SBK1: variants seen among roughly 807,000 people sequenced by gnomAD.
SBK1 encodes SH3 domain binding kinase 1, also known as serine/threonine-protein kinase SBK1.
A neutral mutation model predicts 24.4 loss-of-function variants in SBK1; 11 were observed. The observed-to-expected ratio is 0.45, with a 90% CI of 0.28 to 0.75. SBK1 has a LOEUF of 0.75. SBK1 is among the 30% of genes least tolerant of loss of function. SBK1 has a pLI of 0.12. For synonymous variants in SBK1, 308 were observed against 284.4 expected (o/e 1.08, Z -0.83); for missense variants, 467 against 620.5 (o/e 0.75, Z 2.63).
intron 1 of SBK1, among the ~76,000 whole-genome samples, chr16:28,311,512 A>T (rs1277006991): frequency 6.6e-6 from 1 of 152,044 alleles, no homozygotes; most frequent in Non-Finnish European, 1.5e-5. Context: ...AGCCTGGGCA[A>T]CATAGCGAGA....
rs772941342 is a variant in SBK1, at chr16:28,320,831, T to C, written c.1185T>C (p.Ala395=). The C allele has an allele frequency of 6.8e-7, 1 of 1,461,528 alleles. No individual in the cohort carries two copies. Among genetic ancestry groups the C allele is most frequent in the Non-Finnish European group, 9.0e-7 (1 of 1,107,366 alleles). 90.5% of individuals were successfully genotyped at this position (1,461,528 alleles called of 1,614,324 possible). ...VPVPVPEPGL[A]PQGPPGRTDG... is the part of the protein sequence containing the mutation. ...TGCCTGTGCCCGAGCCCGGCCTAGC[T>C]CCCCAGGGGCCCCCCGGCCGGACCG... Residue 395 remains alanine (A), a synonymous_variant, in exon 4 of 4, where the codon GCT becomes GCC. Transcript: ENST00000341901. The surrounding 1 kb of genome is among the most constrained non-coding windows in gnomAD (Gnocchi z 8.5).
chr16:28,320,905 T>C lies in SBK1; in HGVS notation c.1259T>C (p.Ile420Thr). 1 of 1,489,424 alleles carries C rather than the reference T, an allele frequency of 6.7e-7. No homozygotes were observed. Among genetic ancestry groups the C allele is most frequent in the Non-Finnish European group, 8.9e-7 (1 of 1,124,572 alleles). The allele number at this position is 1,489,424 out of a possible 1,614,324, so 92.3% of individuals were successfully genotyped here. A position where few individuals can be genotyped will look rare whatever the true frequency, so the allele number is the denominator to read the frequency against. Reference sequence around the variant, plus strand: ...GGGCAGGTGGTGCTGGCCACGGCCATCGAGATCTGCGTCTGAGTCGCCTCC... The same window carrying C: ...GGGCAGGTGGTGCTGGCCACGGCCACCGAGATCTGCGTCTGAGTCGCCTCC... ...SKGQVVLATA[I>T]EICV Residue 420 changes from isoleucine (I) to threonine (T), a missense_variant, in exon 4 of 4, where the codon ATC becomes ACC. Transcript: ENST00000341901. The surrounding 1 kb of genome is among the most constrained non-coding windows in gnomAD (Gnocchi z 8.5).
chr16:28,299,699 T>G (rs2044666020), intron 1 of SBK1, among the ~76,000 whole-genome samples: 1 of 152,034 alleles, frequency 6.6e-6, no homozygotes, highest in African/African-American at 2.4e-5. Context: ...AGTTTCTGAG[T>G]CTGATCGGGT....
In SBK1 at chr16:28,292,558, C is replaced by T. The variant is rs1266348604; in HGVS notation, c.-750C>T. 6.2e-6 allele frequency: 6 copies of T among 972,444 alleles called. No individual in the cohort carries two copies. Among genetic ancestry groups the T allele is most frequent in the South Asian group, 4.8e-5 (1 of 20,996 alleles). The allele number at this position is 972,444 out of a possible 1,614,324, so 60.2% of individuals were successfully genotyped here. Reference sequence around the variant, plus strand: ...GATGGAGCGCAGCCCGGGCGGGCGCCGGGGCCGGGGCCCGAGCGCCAGGCG... The same window carrying T: ...GATGGAGCGCAGCCCGGGCGGGCGCTGGGGCCGGGGCCCGAGCGCCAGGCG... On this transcript the variant is annotated 5_prime_UTR_variant, in exon 1 of 4. Transcript: ENST00000341901.
intron 1 of SBK1, among the ~76,000 whole-genome samples, chr16:28,280,334 G>GTATATATATATATAAAA (rs1467153185): frequency 5.0e-5 from 7 of 139,940 alleles, no homozygotes; most frequent in Non-Finnish European, 9.1e-5. Context: ...ACGTACATAT[G>GTATATATATATATAAAA]TATATATATA....
chr16:28,309,596 T>G (rs1370033915), intron 1 of SBK1, among the ~76,000 whole-genome samples: 4 of 152,148 alleles, frequency 2.6e-5, no homozygotes, highest in Non-Finnish European at 5.9e-5. Context: ...TTAAGCTATT[T>G]TTTCAAAATA....
At chr16:28,314,995 AAGG>A (rs1303958134) in intron 1 of SBK1, among the ~76,000 whole-genome samples, 2 of 152,002 alleles carry the variant, frequency 1.3e-5, no homozygotes, top group African/African-American at 2.4e-5. Context: ...AAAGGGAAAA[AAGG>A]GAGAAGGGAG....
upstream of SBK1, chr16:28,292,449 G>A (rs1486528024): frequency 2.9e-5 from 23 of 795,468 alleles, no homozygotes; most frequent in South Asian, 9.9e-4. Flanking sequence ...CAAAGGGGCG[G>A]GCGGCGGCGC....
chr16:28,276,866 G>A (rs1204638607), intron 1 of SBK1, among the ~76,000 whole-genome samples: 2 of 151,938 alleles, frequency 1.3e-5, no homozygotes, highest in Non-Finnish European at 2.9e-5. Context: ...AGGTTTCACC[G>A]TGTTAGCCAG....
chr16:28,301,194 C>T (rs1326412007), intron 1 of SBK1, among the ~76,000 whole-genome samples: 1 of 152,234 alleles, frequency 6.6e-6, no homozygotes, highest in Non-Finnish European at 1.5e-5. Context: ...ACCTCCCCAG[C>T]TTATCCCACA....
chr16:28,292,804 C>T lies in SBK1; in HGVS notation c.-504C>T. ...AGCCTCGGGGAAGAGGGGGGGCCCT[C>T]CCGGATCCGACACCGAGCGACTCCC... On this transcript the variant is annotated 5_prime_UTR_variant, in exon 1 of 4. Coordinates refer to ENST00000341901, the MANE Select transcript of SBK1 (RefSeq NM_001024401.3). 1.0e-6 allele frequency: 1 copy of T among 985,424 alleles called. No individual in the cohort carries two copies. Among genetic ancestry groups the T allele is most frequent in the Middle Eastern group, 5.2e-4 (1 of 1,910 alleles). 61.0% of individuals were successfully genotyped at this position (985,424 alleles called of 1,614,324 possible). A position where few individuals can be genotyped will look rare whatever the true frequency, so the allele number is the denominator to read the frequency against.
In SBK1 at chr16:28,319,715, A is replaced by T. The variant is rs552653454; in HGVS notation, c.430-361A>T. Among the ~76,000 whole-genome samples, 5 of 152,274 alleles carry T rather than the reference A, an allele frequency of 3.3e-5. No homozygotes were observed. In the South Asian group the frequency reaches 1.0e-3, roughly 32 times the overall value. ...CAGCAGGGAACAGGACGGGAAGCTC[A>T]GGGAGCCCCGTTCTAGTTGGGGAAG... On this transcript the variant is annotated intron_variant, in intron 3 of 3. Coordinates refer to ENST00000341901, the MANE Select transcript of SBK1 (RefSeq NM_001024401.3). The surrounding 1 kb of genome is among the most constrained non-coding windows in gnomAD (Gnocchi z 4.0).
At chr16:28,262,728 C>T (rs963839413) in intron 1 of SBK1, among the ~76,000 whole-genome samples, 10 of 152,194 alleles carry the variant, frequency 6.6e-5, no homozygotes, top group African/African-American at 1.2e-4. Context: ...TGTCAGCAAA[C>T]GCATCACCCA....
chr16:28,282,507 T>C (rs2044539429), intron 1 of SBK1, among the ~76,000 whole-genome samples: 1 of 152,178 alleles, frequency 6.6e-6, no homozygotes, highest in Non-Finnish European at 1.5e-5. Flanking sequence ...TTACATTTGT[T>C]GGCATGATTA....
At chr16:28,312,936 C>G (rs1363344366) in intron 1 of SBK1, among the ~76,000 whole-genome samples, 1 of 152,136 alleles carries the variant, frequency 6.6e-6, no homozygotes, top group Non-Finnish European at 1.5e-5. Flanking sequence ...GAGTTCGAGA[C>G]CAGCCTGACC....
chr16:28,287,286 CAA>C (rs56232453), intron 1 of SBK1, among the ~76,000 whole-genome samples: 1 of 124,874 alleles, frequency 8.0e-6, no homozygotes. Context: ...ACTAAAAATA[CAA>C]AAAAAAAAAA....
intron 1 of SBK1, among the ~76,000 whole-genome samples, chr16:28,311,876 G>A (rs1319565007): frequency 4.6e-5 from 7 of 152,348 alleles, no homozygotes; most frequent in Admixed American, 1.3e-4. Flanking sequence ...GCAACTCTGA[G>A]GCAGACATGC....
intron 1 of SBK1, among the ~76,000 whole-genome samples, chr16:28,313,584 C>T (rs1237196455): frequency 3.7e-5 from 5 of 136,384 alleles, no homozygotes; most frequent in Admixed American, 7.6e-5. Context: ...GGTGACAGAG[C>T]GATACCCTGT....
rs201192938 is a variant in SBK1, at chr16:28,276,646, TTTTATTTA to T, written c.257+17154_257+17161del. On this transcript the variant is annotated intron_variant, in intron 1 of 3. Coordinates refer to the SBK1 transcript ENST00000671413. ...TGCAGGTGGTGGATTGAAGTTTTTA[TTTTATTTA>T]TTTATTTATGTATTTATTTATTTAT... Among the ~76,000 whole-genome samples the T allele has an allele frequency of 3.0e-3, 454 of 150,486 alleles. 2 individuals are homozygous for T. The highest frequency in any genetic ancestry group is 0.011 in the African/African-American group (435 of 41,326).
Sources: allele counts gnomAD v4.1 joint callset (sites outside exome capture counted in the v4.1 genomes callset), GRCh38; gene constraint gnomAD v4.1.1; non-coding constraint Gnocchi (gnomAD v3.1); transcripts MANE v1.5; gene names NCBI Gene and HGNC (gene_info 2026-07-23, HGNC 2026-07-21).